Variants in GSTM4 observed in about 807,000 individuals in gnomAD.
GSTM4 encodes the protein glutathione S-transferase mu 4.
In GSTM4, 27 loss-of-function variants were observed where a neutral mutation model predicts 30.1. The ratio of observed to expected loss-of-function variants is 0.90; its 90% CI spans 0.66 to 1.24. The LOEUF (loss-of-function observed/expected upper bound fraction) is 1.24. GSTM4 is among the 50% of genes most tolerant of loss of function. GSTM4 has a pLI of 0.00. For synonymous variants in GSTM4, 94 were observed against 96.2 expected (o/e 0.98, Z 0.13); for missense variants, 238 against 272.1 (o/e 0.87, Z 0.88).
chr1:109,659,540 G>C, intron 7 of GSTM4: 1 of 536,286 alleles, frequency 1.9e-6, no homozygotes, highest in South Asian at 2.2e-5. Flanking sequence ...CATGGATGCA[G>C]CTGGCAATAG....
Position 109,657,887 on chromosome 1 carries a change from G to C in GSTM4, c.360+15G>C, listed in dbSNP as rs1203296508. 6.2e-7 allele frequency: 1 copy of C among 1,608,932 alleles called. No individual in the cohort carries two copies. The highest frequency in any genetic ancestry group is 8.5e-7 in the Non-Finnish European group (1 of 1,175,318). ...GCCCTGACTTTGTGAGTCCCTCCCT[G>C]GTCTGGACCAGAAGCCAGGCTTGTA... On this transcript the variant is annotated intron_variant, in intron 5 of 7. Coordinates refer to ENST00000369836, the MANE Select transcript of GSTM4 (RefSeq NM_000850.5).
At chr1:109,662,952 AC>A (rs1652364347), downstream of GSTM4, among the ~76,000 whole-genome samples, 1 of 152,238 alleles carries the variant, frequency 6.6e-6, no homozygotes. Flanking sequence ...ATAACTGAAA[AC>A]AATCCAAATT....
Position 109,656,301 on chromosome 1 carries a change from G to A in GSTM4, c.-89G>A. On this transcript the variant is annotated 5_prime_UTR_variant, in exon 1 of 8. Transcript: ENST00000369836. ...GGCCGAGGGGGCGGGTCTGGCGCTA[G>A]GTCCAGCCCCTGCGTGCCGGGAACC... 7.5e-7 allele frequency: 1 copy of A among 1,337,142 alleles called. No individual in the cohort carries two copies. Among genetic ancestry groups the A allele is most frequent in the Non-Finnish European group, 1.1e-6 (1 of 928,470 alleles). The allele number at this position is 1,337,142 out of a possible 1,614,324, so 82.8% of individuals were successfully genotyped here.
In GSTM4 at chr1:109,661,566, C is replaced by T; in HGVS notation, c.*312C>T. 3.9e-6 allele frequency: 5 copies of T among 1,287,774 alleles called. No individual in the cohort carries two copies. The highest frequency in any genetic ancestry group is 5.0e-6 in the Non-Finnish European group (5 of 1,006,632). The allele number at this position is 1,287,774 out of a possible 1,614,324, so 79.8% of individuals were successfully genotyped here. A position where few individuals can be genotyped will look rare whatever the true frequency, so the allele number is the denominator to read the frequency against. On this transcript the variant is annotated 3_prime_UTR_variant, in exon 8 of 8. Transcript: ENST00000369836. ...GTTGTATCTGCTTTGAAGGGCCTAC[C>T]TGGCCCCTCGCCTGTGGAGCTCAGC...
rs1337202346 is a variant in GSTM4, at chr1:109,661,700, A to T, written c.*446A>T. 4.6e-6 allele frequency: 5 copies of T among 1,078,804 alleles called. No homozygotes were observed. The African/African-American group carries it at 8.2e-5, about 18-fold the overall frequency. The allele number at this position is 1,078,804 out of a possible 1,614,324, so 66.8% of individuals were successfully genotyped here. A position where few individuals can be genotyped will look rare whatever the true frequency, so the allele number is the denominator to read the frequency against. On this transcript the variant is annotated 3_prime_UTR_variant, in exon 8 of 8. Coordinates refer to ENST00000369836, the MANE Select transcript of GSTM4 (RefSeq NM_000850.5). The stretch of plus-strand genomic sequence containing the variant: ...CTGATCAAAATAAAGCCTCAGCCAC[A>T]TTTGCTATAGTCTTGTCTTATTTGC...
At position 109,656,794 on chromosome 1, in the gene GSTM4, A is replaced by G. The variant is rs757476220; in HGVS notation, c.112+7A>G. The G allele has an allele frequency of 3.1e-6, 5 of 1,611,940 alleles. No individual in the cohort carries two copies. Among genetic ancestry groups the G allele is most frequent in the African/African-American group, 1.3e-5 (1 of 74,982 alleles). On this transcript the variant is annotated splice_region_variant and intron_variant, in intron 2 of 7. Coordinates refer to ENST00000369836, the MANE Select transcript of GSTM4 (RefSeq NM_000850.5). ...AAGTATACGATGGGGGACGGTAATG[A>G]CACCCTTGTGTCCGGGCTCTGCCCA... is the stretch of plus-strand genomic sequence containing the variant.
At chr1:109,664,341 C>CTTTTTTTTTTTTTT (rs77855995), downstream of GSTM4, among the ~76,000 whole-genome samples, 414 of 35,740 alleles carry the variant, frequency 0.012, 138 homozygotes, top group East Asian at 0.064. Context: ...GAGAGAATAG[C>CTTTTTTTTTTTTTT]TTTTTTTTTT....
chr1:109,667,271 T>G (rs1254285078), downstream of GSTM4, among the ~76,000 whole-genome samples: 1 of 151,744 alleles, frequency 6.6e-6, no homozygotes, highest in East Asian at 1.9e-4. Context: ...TTATTTCAGT[T>G]AATAATATTT....
downstream of GSTM4, among the ~76,000 whole-genome samples, chr1:109,666,405 T>G (rs1647323983): frequency 1.3e-5 from 2 of 152,326 alleles, no homozygotes; most frequent in South Asian, 4.1e-4. Context: ...AGGCTGCCTG[T>G]CTCTGGAATA....
In GSTM4 at chr1:109,657,612, C is replaced by T; in HGVS notation, c.200C>T (p.Ala67Val). ...FPNLPYLIDG[A>V]HKITQSNAIL... ...CAGCTGCCCTACTTGATTGATGGGG[C>T]TCACAAGATCACCCAGAGCAACGCC... is the stretch of plus-strand genomic sequence containing the variant. The change falls in exon 4 of 8, where the codon GCT becomes GTT. Residue 67 changes from alanine (A) to valine (V), a missense_variant. Physicochemically the swap from Ala to Val is moderately conservative, Grantham distance 64 (BLOSUM62 0). Coordinates refer to ENST00000369836, the MANE Select transcript of GSTM4 (RefSeq NM_000850.5). 6.2e-7 allele frequency: 1 copy of T among 1,614,216 alleles called. No individual in the cohort carries two copies. The highest frequency in any genetic ancestry group is 1.1e-5 in the South Asian group (1 of 91,090).
chr1:109,660,117 A>AT (rs1652242643), intron 7 of GSTM4: 1 of 180,462 alleles, frequency 5.5e-6, no homozygotes, highest in African/African-American at 2.4e-5. Flanking sequence ...TCAGCCTAGA[A>AT]TTTGTTTTCC....
Position 109,661,175 on chromosome 1 carries a change from A to G in GSTM4, c.578A>G (p.Lys193Arg). ...TTTCCCCCCTCTCAGGGCTTGGAGA[A>G]GATCTCTGCCTACATGAAGTCCAGC... ...DFISRFEGLEKISAYMKSSRF... is the reference protein window; with the variant it reads ...DFISRFEGLERISAYMKSSRF... Residue 193 changes from lysine (K) to arginine (R), a missense_variant, in exon 8 of 8, where the codon AAG becomes AGG. Physicochemically the swap from Lys to Arg is conservative, Grantham distance 26. Coordinates refer to ENST00000369836, the MANE Select transcript of GSTM4 (RefSeq NM_000850.5). 1 of 1,612,498 alleles carries G rather than the reference A, an allele frequency of 6.2e-7. No homozygotes were observed. Among genetic ancestry groups the G allele is most frequent in the Non-Finnish European group, 8.5e-7 (1 of 1,179,650 alleles).
downstream of GSTM4, among the ~76,000 whole-genome samples, chr1:109,666,833 C>G (rs930144862): frequency 2.0e-5 from 3 of 152,222 alleles, no homozygotes; most frequent in African/African-American, 7.2e-5. Context: ...TCAAGCGATT[C>G]TCCTGCCTCA....
rs1343409780 is a variant in GSTM4, at chr1:109,659,119, C to T, written c.567+9C>T. The T allele has an allele frequency of 1.2e-6, 2 of 1,614,072 alleles. No homozygotes were observed. The highest frequency in any genetic ancestry group is 2.2e-5 in the East Asian group (1 of 44,886). On this transcript the variant is annotated intron_variant, in intron 7 of 7. Transcript: ENST00000369836. Reference sequence around the variant, plus strand: ...TCATCTCCCGCTTTGAGGTGATGCCCCCATCCTCCTTTCTCTTTGATGCCC... The same window carrying T: ...TCATCTCCCGCTTTGAGGTGATGCCTCCATCCTCCTTTCTCTTTGATGCCC...
chr1:109,656,135 G>T lies in GSTM4; in HGVS notation c.-255G>T. ...GGACCTTGCTCCCTGAACACTCGGA[G>T]GTGGCGGTGGATCTTACTCCTTCCA... On this transcript the variant is annotated 5_prime_UTR_variant, in exon 1 of 8. The change creates a new upstream start codon in the 5' untranslated region. Transcript: ENST00000369836. 2.1e-6 allele frequency: 1 copy of T among 486,248 alleles called. No homozygotes were observed. Among genetic ancestry groups the T allele is most frequent in the Admixed American group, 3.3e-5 (1 of 29,970 alleles). 30.1% of individuals were successfully genotyped at this position (486,248 alleles called of 1,614,324 possible).
chr1:109,665,759 T>C (rs1647300735), downstream of GSTM4, among the ~76,000 whole-genome samples: 1 of 152,212 alleles, frequency 6.6e-6, no homozygotes, highest in Non-Finnish European at 1.5e-5. Context: ...TCTTTTCTCC[T>C]GGTAAATCTC....
At position 109,658,820 on chromosome 1, in the gene GSTM4, C is replaced by T. The variant is rs1337301571; in HGVS notation, c.367C>T (p.Leu123=). The change falls in exon 6 of 8, where the codon CTG becomes TTG. Residue 123 remains leucine, a synonymous_variant. Transcript: ENST00000369836. The part of the protein sequence containing the change: ...RVCYSPDFEK[L]KPEYLEELPT... The stretch of plus-strand genomic sequence containing the variant: ...CAGCTGTTTTCTGCCTCAGGAGAAA[C>T]TGAAGCCAGAATACTTGGAGGAACT... 1.2e-6 allele frequency: 2 copies of T among 1,612,526 alleles called. No individual in the cohort carries two copies. Among genetic ancestry groups the T allele is most frequent in the Admixed American group, 3.3e-5 (2 of 60,026 alleles).
Position 109,656,868 on chromosome 1 carries a change from C to A in GSTM4, c.112+81C>A, listed in dbSNP as rs750684656. The A allele has an allele frequency of 3.8e-6, 5 of 1,312,942 alleles. No homozygotes were observed. In the East Asian group the frequency reaches 1.2e-4, roughly 30 times the overall value. The allele number at this position is 1,312,942 out of a possible 1,614,324, so 81.3% of individuals were successfully genotyped here. On this transcript the variant is annotated intron_variant, in intron 2 of 7. Transcript: ENST00000369836. The stretch of plus-strand genomic sequence containing the variant: ...AACCCATGGTGGCCACCTGTGGCTA[C>A]CTCTGCAGGCCTCCCCTGCTGGAGC...
chr1:109,661,523 C>T lies in GSTM4; in HGVS notation c.*269C>T. On this transcript the variant is annotated 3_prime_UTR_variant, in exon 8 of 8. Transcript: ENST00000369836. ...CTTCCCTGCACTAAAGCCAGCCTGA[C>T]CTTCCTTCCTGTTAGTGGTTGTATC... 1 of 1,336,638 alleles carries T rather than the reference C, an allele frequency of 7.5e-7. No homozygotes were observed. Among genetic ancestry groups the T allele is most frequent in the Non-Finnish European group, 9.6e-7 (1 of 1,036,422 alleles). 82.8% of individuals were successfully genotyped at this position (1,336,638 alleles called of 1,614,324 possible). A position where few individuals can be genotyped will look rare whatever the true frequency, so the allele number is the denominator to read the frequency against.
Sources: gnomAD v4.1 joint callset for allele counts (sites outside exome capture counted in the v4.1 genomes callset) on GRCh38, gnomAD v4.1.1 for gene constraint, MANE v1.5 for transcripts, NCBI Gene and HGNC (gene_info 2026-07-23, HGNC 2026-07-21) for gene names.